GIT2: variants seen among roughly 807,000 people sequenced by gnomAD.
The protein encoded by GIT2 is ARF GTPase-activating protein GIT2.
GIT2 carries 32 observed loss-of-function variants against 100.3 expected under a neutral mutation model. The ratio of observed to expected loss-of-function variants is 0.32; its 90% CI spans 0.24 to 0.43. The LOEUF is 0.43. Ranked by LOEUF, GIT2 falls within the 20% of genes least tolerant of loss-of-function variation. GIT2 has a pLI of 1.00. For synonymous variants in GIT2, 353 were observed against 364.1 expected (o/e 0.97, Z 0.35); for missense variants, 737 against 975.1 (o/e 0.76, Z 3.25).
intron 3 of GIT2, 128 bp downstream of exon 3, chr12:109,989,562 C>A (rs1888013660): frequency 8.1e-6 from 5 of 617,418 alleles, no homozygotes; most frequent in Non-Finnish European, 1.2e-5. Flanking sequence ...AGCAAAGAAC[C>A]TGATGCACAA....
At chr12:109,966,508 CAAAAAAAAAAA>C (rs749586402) in intron 8 of GIT2, among the ~76,000 whole-genome samples, 1 of 70,234 alleles carries the variant, frequency 1.4e-5, no homozygotes, top group Non-Finnish European at 2.5e-5. Flanking sequence ...GACTCTGTCT[CAAAAAAAAAAA>C]AAAAAAAAAA....
upstream of GIT2, chr12:109,999,546 C>G: frequency 1.9e-6 from 1 of 539,916 alleles, no homozygotes; most frequent in Non-Finnish European, 2.8e-6. The surrounding 1 kb of genome is among the most constrained non-coding windows in gnomAD (Gnocchi z 4.3). Context: ...CGCCCCGCAC[C>G]CGACCGGCTC....
intron 4 of GIT2, 110 bp downstream of exon 4, chr12:109,988,853 A>C: frequency 2.4e-6 from 1 of 417,194 alleles, no homozygotes; most frequent in Non-Finnish European, 4.3e-6. Context: ...TGTCTCAAAA[A>C]AAAAAAAAAA....
In GIT2 at chr12:109,933,021, G is replaced by T; in HGVS notation, c.2237C>A (p.Ala746Asp). Residue 746 changes from alanine to aspartate, a missense_variant, in exon 20 of 20, where the codon GCC (alanine) becomes GAC (aspartate). Around this residue, in one of 3 missense-constraint regions of GIT2, gnomAD observed 451 missense variants for 543.7 expected, o/e 0.83. Transcript: ENST00000355312. This position sits in a 1 kb window ranked among gnomAD's most constrained non-coding sequence, Gnocchi z 4.5. The stretch of plus-strand genomic sequence containing the variant: ...GGTGGTGATGGTAACCAGCTGCTTG[G>T]CAGCCTTGGCGATGTCGTACGCACA... ...IQCAYDIAKA[A>D]KQLVTITTKE... is the part of the protein sequence containing the mutation. The T allele has an allele frequency of 6.2e-7, 1 of 1,613,344 alleles. No individual in the cohort carries two copies. Among genetic ancestry groups the T allele is most frequent in the Non-Finnish European group, 8.5e-7 (1 of 1,179,374 alleles).
chr12:109,970,555 C>A (rs766376044), intron 7 of GIT2, among the ~76,000 whole-genome samples: 8 of 152,174 alleles, frequency 5.3e-5, no homozygotes, highest in Non-Finnish European at 7.3e-5. Flanking sequence ...GAACTGATTA[C>A]CTTTGCACTT....
At position 109,948,338 on chromosome 12, in the gene GIT2, C is replaced by G; in HGVS notation, c.1393-834G>C. The G allele has an allele frequency of 1.0e-6, 1 of 988,022 alleles. No homozygotes were observed. The highest frequency in any genetic ancestry group is 1.2e-6 in the Non-Finnish European group (1 of 831,688). 61.2% of individuals were successfully genotyped at this position (988,022 alleles called of 1,614,324 possible). A position where few individuals can be genotyped will look rare whatever the true frequency, so the allele number is the denominator to read the frequency against. ...CTTTGGCTTTGTCACCCAAAAAACA[C>G]GACCTCAGTGGTGTCAGCTTTGAAC... On this transcript the variant is annotated intron_variant, in intron 14 of 19. Transcript: ENST00000355312. The surrounding 1 kb of genome is among the most constrained non-coding windows in gnomAD (Gnocchi z 4.3).
chr12:109,936,915 T>C (rs1873191262), intron 18 of GIT2, among the ~76,000 whole-genome samples: 2 of 151,736 alleles, frequency 1.3e-5, no homozygotes, highest in Admixed American at 1.3e-4. Flanking sequence ...ATGGGACACT[T>C]TGCTTTCTGT....
At chr12:109,939,727 A>AATCAATC (rs1565936273) in intron 16 of GIT2, 1 of 145,056 alleles carries the variant, frequency 6.9e-6, no homozygotes. Flanking sequence ...ATAAATAAAT[A>AATCAATC]AATCAGCCAG....
rs1223912727 is a variant in GIT2 at position 109,983,517 on chromosome 12, A to AT, written c.493-15dup. 1 of 1,612,988 alleles carries AT rather than the reference A, an allele frequency of 6.2e-7. No homozygotes were observed. Among genetic ancestry groups the AT allele is most frequent in the Non-Finnish European group, 8.5e-7 (1 of 1,179,100 alleles). Reference sequence around the variant, plus strand: ...GTTTCCTTTTTCCTAAGAATCATTAATAAAAAGTAGGCAAAAGAGCACATT... The same window carrying AT: ...GTTTCCTTTTTCCTAAGAATCATTAATTAAAAAGTAGGCAAAAGAGCACATT... On this transcript the variant is annotated splice_polypyrimidine_tract_variant and intron_variant, in intron 5 of 19. Transcript: ENST00000355312.
chr12:109,982,494 T>A (rs1886490519), intron 6 of GIT2: 3 of 152,222 alleles, frequency 2.0e-5, no homozygotes, highest in Non-Finnish European at 4.4e-5. Context: ...AGTATTGTGC[T>A]TCACAGTTAA....
At chr12:109,971,125 A>C (rs1036581509) in intron 7 of GIT2, among the ~76,000 whole-genome samples, 1 of 152,156 alleles carries the variant, frequency 6.6e-6, no homozygotes, top group Admixed American at 6.5e-5. Flanking sequence ...ATGTCTAATA[A>C]AAAATCCTCA....
intron 8 of GIT2, chr12:109,967,209 A>G: frequency 1.3e-6 from 1 of 746,280 alleles, no homozygotes; most frequent in Non-Finnish European, 2.3e-6. Flanking sequence ...AAATACTGTC[A>G]CAACTGGCTA....
In GIT2 at chr12:109,933,716, T is replaced by G; in HGVS notation, c.2067+306A>C. 1 of 288,968 alleles carries G rather than the reference T, an allele frequency of 3.5e-6. No individual in the cohort carries two copies. 17.9% of individuals were successfully genotyped at this position (288,968 alleles called of 1,614,324 possible). A position where few individuals can be genotyped will look rare whatever the true frequency, so the allele number is the denominator to read the frequency against. ...TCCTGGGTTCAAGCGATTCTCCTGC[T>G]TCAGCCTCCTGAGTAGCTGGGATTA... On this transcript the variant is annotated intron_variant, in intron 19 of 19. Coordinates refer to ENST00000355312, the MANE Select transcript of GIT2 (RefSeq NM_057169.5). The surrounding 1 kb of genome is among the most constrained non-coding windows in gnomAD (Gnocchi z 4.5).
Position 109,980,990 on chromosome 12 carries a change from G to A in GIT2, c.680C>T (p.Thr227Met), listed in dbSNP as rs199630510. Residue 227 changes from threonine to methionine, a missense_variant, in exon 7 of 20, where the codon ACG (threonine) becomes ATG (methionine). Coordinates refer to ENST00000355312, the MANE Select transcript of GIT2 (RefSeq NM_057169.5). ...ACAGAGATAGAAGGCTAGTCTGTCC[G>A]TTAGCTCATACTGTATTTCCACGAG... ...ERLVEIQYEL[T>M]DRLAFYLCGR... 6.2e-5 allele frequency: 100 copies of A among 1,612,610 alleles called. No individual in the cohort carries two copies. Among genetic ancestry groups the A allele is most frequent in the Admixed American group, 1.7e-5 (1 of 59,974 alleles).
intron 7 of GIT2, among the ~76,000 whole-genome samples, chr12:109,971,871 G>A (rs1375009307): frequency 6.6e-6 from 1 of 151,846 alleles, no homozygotes; most frequent in African/African-American, 2.4e-5. Context: ...GGGGGCACCT[G>A]TAATCTCAGC....
chr12:109,999,794 G>T, upstream of GIT2: 1 of 1,527,954 alleles, frequency 6.5e-7, no homozygotes. This position sits in a 1 kb window ranked among gnomAD's most constrained non-coding sequence, Gnocchi z 4.3. Context: ...GGTGAGGGGC[G>T]GGGCGGGGGT....
At chr12:109,973,067 ATCC>A (rs1884292690) in intron 7 of GIT2, among the ~76,000 whole-genome samples, 1 of 151,882 alleles carries the variant, frequency 6.6e-6, no homozygotes, top group Non-Finnish European at 1.5e-5. Context: ...GCCTCAAACA[ATCC>A]TCCTACTTCG....
intron 12 of GIT2, among the ~76,000 whole-genome samples, chr12:109,958,389 G>A (rs1466691536): frequency 2.6e-5 from 4 of 151,598 alleles, no homozygotes; most frequent in Admixed American, 6.6e-5. Context: ...TTATACGCGC[G>A]TACCACCACG....
At chr12:109,961,518 G>T in intron 10 of GIT2, 95 bp downstream of exon 10, 1 of 952,464 alleles carries the variant, frequency 1.0e-6, no homozygotes, top group East Asian at 2.4e-5. Flanking sequence ...GCACCATCAG[G>T]ACAGCAGAAA....
Sources: allele counts gnomAD v4.1 joint callset (sites outside exome capture counted in the v4.1 genomes callset), GRCh38; gene constraint gnomAD v4.1.1; regional missense constraint gnomAD v4.1.1; non-coding constraint Gnocchi (gnomAD v3.1); transcripts MANE v1.5; gene names NCBI Gene and HGNC (gene_info 2026-07-23, HGNC 2026-07-21).